The following NDST4 variants were observed in gnomAD, a reference collection of about 807,000 sequenced individuals.
NDST4 encodes the protein N-deacetylase and N-sulfotransferase 4, also known as N-heparan sulfate sulfotransferase 4.
In NDST4, 63 loss-of-function variants were observed where a neutral mutation model predicts 100.8. The observed-to-expected ratio is 0.62, with a 90% CI of 0.51 to 0.77. The LOEUF (loss-of-function observed/expected upper bound fraction) is 0.77, where lower values mean the gene tolerates loss of function less well. Ranked by LOEUF, NDST4 falls within the 30% of genes least tolerant of loss-of-function variation. The pLI is 0.00. For synonymous variants in NDST4, 377 were observed against 361.8 expected, an observed-to-expected ratio of 1.04 and a Z score of -0.48; for missense variants, 943 against 1,018.4, an observed-to-expected ratio of 0.93 and a Z score of 1.01.
At chr4:115,069,653 T>C (rs1039611784) in intron 2 of NDST4, among the ~76,000 whole-genome samples, 22 of 152,158 alleles carry the variant, frequency 1.4e-4, no homozygotes, top group African/African-American at 5.3e-4. Flanking sequence ...CCCAGTACTT[T>C]GGGAGGCTGA....
At chr4:114,876,905 A>T (rs1724265456) in intron 6 of NDST4, among the ~76,000 whole-genome samples, 1 of 152,194 alleles carries the variant, frequency 6.6e-6, no homozygotes, top group South Asian at 2.1e-4. Context: ...CTAAGAAACT[A>T]TCTTATTTAT....
intron 2 of NDST4, among the ~76,000 whole-genome samples, chr4:115,066,801 A>T (rs28560246): frequency 0.043 from 6,533 of 152,248 alleles, 491 homozygotes; most frequent in African/African-American, 0.15. Context: ...ATAACAGGGT[A>T]TCAAGACCAT....
chr4:115,099,072 C>A (rs530835345), intron 1 of NDST4, among the ~76,000 whole-genome samples: 1 of 152,280 alleles, frequency 6.6e-6, no homozygotes, highest in East Asian at 1.9e-4. Flanking sequence ...TTTCAATAAA[C>A]CCTGCTGGTA....
chr4:115,048,590 T>G (rs1428653041), intron 2 of NDST4, among the ~76,000 whole-genome samples: 1 of 152,116 alleles, frequency 6.6e-6, no homozygotes, highest in Non-Finnish European at 1.5e-5. Context: ...CCGACCCACA[T>G]TATGAATTTT....
chr4:115,036,429 GTA>G (rs1728235045), intron 2 of NDST4, among the ~76,000 whole-genome samples: 1 of 151,010 alleles, frequency 6.6e-6, no homozygotes, highest in Admixed American at 6.6e-5. Context: ...GTGCATATAT[GTA>G]TATGTTAGAT....
rs560025341 is a variant in NDST4, at chr4:115,081,482, G to T, written c.-246-4200C>A. On this transcript the variant is annotated intron_variant, in intron 1 of 13. Transcript: ENST00000264363. ...TTACCTACTGTGTGACCCTTGAAAAGGTGGGGGAAAAGGCATGCAGGAGTA... is the reference window on the plus strand; with the variant it reads ...TTACCTACTGTGTGACCCTTGAAAATGTGGGGGAAAAGGCATGCAGGAGTA... Among the ~76,000 whole-genome samples the T allele has an allele frequency of 2.6e-5, 4 of 152,208 alleles. No individual in the cohort carries two copies. The South Asian group carries it at 8.3e-4, about 32-fold the overall frequency.
intron 7 of NDST4, among the ~76,000 whole-genome samples, chr4:114,867,464 G>C (rs1724050481): frequency 6.6e-6 from 1 of 151,824 alleles, no homozygotes; most frequent in South Asian, 2.1e-4. Context: ...ACACAGAAAA[G>C]CAGGAATCCA....
intron 6 of NDST4, among the ~76,000 whole-genome samples, chr4:114,877,599 C>CA (rs781166273): frequency 6.6e-6 from 1 of 152,152 alleles, no homozygotes; most frequent in Non-Finnish European, 1.5e-5. Context: ...CAAAGAGACA[C>CA]ATTTTATTAA....
intron 2 of NDST4, among the ~76,000 whole-genome samples, chr4:114,985,528 A>G (rs1374131833): frequency 6.6e-6 from 1 of 152,160 alleles, no homozygotes; most frequent in Non-Finnish European, 1.5e-5. Flanking sequence ...CCTTTTTATT[A>G]ATCCTGTCTT....
At chr4:115,012,827 G>C (rs1279382667) in intron 2 of NDST4, among the ~76,000 whole-genome samples, 1 of 151,930 alleles carries the variant, frequency 6.6e-6, no homozygotes, top group East Asian at 1.9e-4. Context: ...AGACAATGTG[G>C]TACATAATTT....
intron 6 of NDST4, among the ~76,000 whole-genome samples, chr4:114,929,839 A>C (rs978675377): frequency 1.3e-5 from 2 of 152,216 alleles, no homozygotes; most frequent in African/African-American, 4.8e-5. Flanking sequence ...AAACAGATGC[A>C]TAATCCATGT....
At chr4:114,957,872 T>G (rs1332904324) in intron 4 of NDST4, among the ~76,000 whole-genome samples, 2 of 152,148 alleles carry the variant, frequency 1.3e-5, no homozygotes, top group African/African-American at 4.8e-5. Context: ...ATGTCTCACA[T>G]CCAGATCATA....
At chr4:115,033,501 T>C (rs1206990095) in intron 2 of NDST4, among the ~76,000 whole-genome samples, 1 of 152,032 alleles carries the variant, frequency 6.6e-6, no homozygotes, top group Non-Finnish European at 1.5e-5. Flanking sequence ...TGTTTTCTTT[T>C]ACATTTTTTA....
At chr4:114,935,381 G>T in intron 5 of NDST4, 47 bp from the exon 6 acceptor site, 6 of 1,479,778 alleles carry the variant, frequency 4.1e-6, no homozygotes, top group Non-Finnish European at 3.6e-6. Context: ...ATTTAATTAA[G>T]AACTTCACCT....
At chr4:115,008,301 G>A (rs1727464804) in intron 2 of NDST4, among the ~76,000 whole-genome samples, 1 of 129,166 alleles carries the variant, frequency 7.7e-6, no homozygotes, top group East Asian at 2.5e-4. Context: ...TCCTAGACTC[G>A]ATGGTCTTTA....
intron 4 of NDST4, among the ~76,000 whole-genome samples, chr4:114,942,373 G>C (rs1293863677): frequency 6.6e-6 from 1 of 151,908 alleles, no homozygotes; most frequent in Non-Finnish European, 1.5e-5. Flanking sequence ...TTTAACCTAA[G>C]ATTATTTAAT....
intron 12 of NDST4, among the ~76,000 whole-genome samples, chr4:114,831,155 C>T (rs1276072125): frequency 6.7e-6 from 1 of 150,070 alleles, no homozygotes; most frequent in African/African-American, 2.5e-5. Flanking sequence ...CGGGTTCACG[C>T]CATTCTCCTG....
intron 2 of NDST4, among the ~76,000 whole-genome samples, chr4:115,010,827 T>C (rs1315124829): frequency 2.0e-5 from 3 of 152,224 alleles, no homozygotes; most frequent in African/African-American, 7.2e-5. Flanking sequence ...ATTCAGTTTC[T>C]TCTAAACTAC....
chr4:114,951,737 A>G (rs1293263954), intron 4 of NDST4, among the ~76,000 whole-genome samples: 2 of 152,130 alleles, frequency 1.3e-5, no homozygotes, highest in African/African-American at 2.4e-5. Flanking sequence ...TTGATCCAAG[A>G]TTGGTCCAAA....
Sources: allele counts gnomAD v4.1 joint callset (sites outside exome capture counted in the v4.1 genomes callset), GRCh38; gene constraint gnomAD v4.1.1; transcripts MANE v1.5; gene names NCBI Gene and HGNC (gene_info 2026-07-23, HGNC 2026-07-21).